AATK: variants seen among roughly 807,000 people sequenced by gnomAD.
AATK encodes the protein lemur tail kinase 1.
In AATK, 91 loss-of-function variants were observed where a neutral mutation model predicts 114.3. The ratio of observed to expected loss-of-function variants is 0.80; its 90% CI spans 0.67 to 0.95. The LOEUF (loss-of-function observed/expected upper bound fraction) is 0.95, where lower values mean the gene tolerates loss of function less well. Ranked by LOEUF, AATK falls within the 40% of genes least tolerant of loss-of-function variation. The pLI, the probability that AATK is intolerant of heterozygous loss-of-function variation, is 0.00. For missense variants in AATK, 2,176 were observed against 1,965.2 expected (o/e 1.11, Z -2.03); for synonymous variants, 1,075 against 916.5 (o/e 1.17, Z -3.12).
chr17:81,120,420 G>C lies in AATK; in HGVS notation c.3516C>G (p.Asp1172Glu), dbSNP rs202227008. ...GGACGCTGTAGCAGCGGAGCTCCTC[G>C]TCAGACTCGTCGCTGTCCTCACTGT... ...EEDSEDSDES[D>E]EELRCYSVQE... Residue 1172 changes from aspartate (D) to glutamate (E), a missense_variant, in exon 11 of 14, where the codon GAC becomes GAG. Physicochemically the swap from Asp to Glu is conservative, Grantham distance 45. This residue lies in a region of AATK where 1,701 missense variants were observed against 1,394.7 expected (regional missense o/e 1.22). Coordinates refer to ENST00000326724, the MANE Select transcript of AATK (RefSeq NM_001080395.3). 4.4e-5 allele frequency: 70 copies of C among 1,585,010 alleles called. No individual in the cohort carries two copies. The highest frequency in any genetic ancestry group is 5.4e-5 in the Non-Finnish European group (63 of 1,163,030).
intron 1 of AATK, among the ~76,000 whole-genome samples, chr17:81,140,708 G>A (rs865961163): frequency 2.3e-5 from 2 of 86,960 alleles, no homozygotes; most frequent in Non-Finnish European, 5.1e-5. Context: ...GCTGTGGGGC[G>A]GTGAGACCGT....
At chr17:81,148,064 CAAAAAAAAAAAAAA>C (rs35731140) in intron 1 of AATK, among the ~76,000 whole-genome samples, 9 of 101,818 alleles carry the variant, frequency 8.8e-5, no homozygotes, top group East Asian at 3.1e-4. Context: ...ACAACTTTGT[CAAAAAAAAAAAAAA>C]AAAAAAAAAA....
At chr17:81,129,169 C>A (rs890829466) in intron 3 of AATK, among the ~76,000 whole-genome samples, 4 of 152,254 alleles carry the variant, frequency 2.6e-5, no homozygotes, top group Admixed American at 2.6e-4. Context: ...TCTGCTCCCA[C>A]GTCAACTGCC....
In AATK at chr17:81,126,403, C is replaced by T; in HGVS notation, c.755+24G>A. ...AGGGGCCTGGCCTAGGGCTTCCCGGCCGCTGGCCCGCGCCCGCCCTCACCT... is the reference window on the plus strand; with the variant it reads ...AGGGGCCTGGCCTAGGGCTTCCCGGTCGCTGGCCCGCGCCCGCCCTCACCT... On this transcript the variant is annotated intron_variant, in intron 7 of 13. Coordinates refer to ENST00000326724, the MANE Select transcript of AATK (RefSeq NM_001080395.3). This position sits in a 1 kb window ranked among gnomAD's most constrained non-coding sequence, Gnocchi z 5.1. 1 of 1,545,266 alleles carries T rather than the reference C, an allele frequency of 6.5e-7. No individual in the cohort carries two copies. Among genetic ancestry groups the T allele is most frequent in the Admixed American group, 1.9e-5 (1 of 52,066 alleles).
chr17:81,163,538 G>T (rs1191058960), intron 1 of AATK, among the ~76,000 whole-genome samples: 1 of 152,254 alleles, frequency 6.6e-6, no homozygotes, highest in Non-Finnish European at 1.5e-5. Flanking sequence ...ACAGAGGCTG[G>T]AAGGCTGCAG....
Position 81,119,256 on chromosome 17 carries a change from A to AGGAGCGGAGC in AATK, c.4084+114_4084+123dup, listed in dbSNP as rs10655340. The AGGAGCGGAGC allele has an allele frequency of 1.8e-3, 1,689 of 948,236 alleles. 18 individuals are homozygous for AGGAGCGGAGC. Among genetic ancestry groups the AGGAGCGGAGC allele is most frequent in the South Asian group, 0.016 (821 of 51,526 alleles). The allele number at this position is 948,236 out of a possible 1,614,324, so 58.7% of individuals were successfully genotyped here. On this transcript the variant is annotated intron_variant, in intron 13 of 13. Transcript: ENST00000326724. ...GGGCCGGGAAGGAGCGGGGCCGGGA[A>AGGAGCGGAGC]GGAGCGGAGCGGAGCGGAGCCGGGG...
intron 1 of AATK, among the ~76,000 whole-genome samples, chr17:81,138,297 G>A (rs1012272603): frequency 2.3e-5 from 3 of 129,458 alleles, no homozygotes; most frequent in Non-Finnish European, 4.9e-5. Flanking sequence ...CCACACATGT[G>A]CACACATATC....
chr17:81,153,434 C>G lies in AATK; in HGVS notation c.55+12504G>C, dbSNP rs531986369. ...AGCCCAACACACTGGGCGGAAAATTCAGATGAGACAGGAACTTCCGTTTAA... is the reference window on the plus strand; with the variant it reads ...AGCCCAACACACTGGGCGGAAAATTGAGATGAGACAGGAACTTCCGTTTAA... On this transcript the variant is annotated intron_variant, in intron 1 of 13. Coordinates refer to ENST00000326724, the MANE Select transcript of AATK (RefSeq NM_001080395.3). 2.0e-5 allele frequency among the ~76,000 whole-genome samples: 3 copies of G among 152,296 alleles called. No individual in the cohort carries two copies. In the South Asian group the frequency reaches 6.2e-4, roughly 32 times the overall value.
At chr17:81,130,430 C>T (rs1248012095) in intron 3 of AATK, among the ~76,000 whole-genome samples, 1 of 152,186 alleles carries the variant, frequency 6.6e-6, no homozygotes, top group African/African-American at 2.4e-5. Flanking sequence ...CGGCCTAGGA[C>T]CCTAGGATGG....
intron 1 of AATK, among the ~76,000 whole-genome samples, chr17:81,151,110 T>C (rs915463657): frequency 1.3e-5 from 2 of 152,116 alleles, no homozygotes; most frequent in African/African-American, 4.8e-5. Flanking sequence ...CAGACAGAAC[T>C]TTGTGGGCTG....
chr17:81,127,531 G>A, intron 6 of AATK, 52 bp downstream of exon 6: 3 of 1,532,080 alleles, frequency 2.0e-6, no homozygotes, highest in Non-Finnish European at 2.7e-6. Flanking sequence ...GCAGGGCAAG[G>A]GAGGGCCCCG....
chr17:81,120,522 G>A lies in AATK; in HGVS notation c.3414C>T (p.Thr1138=). 2 of 1,485,390 alleles carry A rather than the reference G, an allele frequency of 1.3e-6. No individual in the cohort carries two copies. Among genetic ancestry groups the A allele is most frequent in the South Asian group, 1.4e-5 (1 of 73,396 alleles). The allele number at this position is 1,485,390 out of a possible 1,614,324, so 92.0% of individuals were successfully genotyped here. A position where few individuals can be genotyped will look rare whatever the true frequency, so the allele number is the denominator to read the frequency against. ...GAGCCAGGCGGAGTGGGGCTCTGGG[G>A]GTGCCTGGGCCCCCCATCCGCTTTT... is the stretch of plus-strand genomic sequence containing the variant. ...APQKRMGGPG[T]PRAPLRLALP... Residue 1138 remains threonine (T), a synonymous_variant, in exon 11 of 14, where the codon ACC becomes ACT. Transcript: ENST00000326724.
Position 81,120,429 on chromosome 17 carries a change from G to A in AATK, c.3507C>T (p.Asp1169=), listed in dbSNP as rs372164584. The A allele has an allele frequency of 3.3e-4, 520 of 1,579,442 alleles. 7 individuals carry two copies. The South Asian group carries it at 5.3e-3, about 16-fold the overall frequency. The part of the protein sequence containing the change: ...EEEEEDSEDS[D]ESDEELRCYS... The stretch of plus-strand genomic sequence containing the variant: ...AGCAGCGGAGCTCCTCGTCAGACTC[G>A]TCGCTGTCCTCACTGTCCTCCTCCT... The change falls in exon 11 of 14, where the codon GAC becomes GAT. Residue 1169 remains aspartate, a synonymous_variant. Transcript: ENST00000326724.
Position 81,118,231 on chromosome 17 carries a change from AGGGCCTCTCATCCCAC to A in AATK, c.*155_*170del. ...GCGGAGCATGGCCGATCTACCATCC[AGGGCCTCTCATCCCAC>A]GGGCTTCTCCAGGACACCGCGTGGG... On this transcript the variant is annotated 3_prime_UTR_variant, in exon 14 of 14. Coordinates refer to ENST00000326724, the MANE Select transcript of AATK (RefSeq NM_001080395.3). 1.6e-6 allele frequency: 1 copy of A among 639,902 alleles called. No homozygotes were observed. The highest frequency in any genetic ancestry group is 2.8e-5 in the East Asian group (1 of 35,804). 39.6% of individuals were successfully genotyped at this position (639,902 alleles called of 1,614,324 possible). A position where few individuals can be genotyped will look rare whatever the true frequency, so the allele number is the denominator to read the frequency against.
At chr17:81,136,711 C>T (rs2061015767) in intron 1 of AATK, among the ~76,000 whole-genome samples, 2 of 152,212 alleles carry the variant, frequency 1.3e-5, no homozygotes, top group South Asian at 4.1e-4. Context: ...TGGGCAGGGG[C>T]ACCAGGCAGG....
chr17:81,165,799 G>C (rs2061481809), intron 1 of AATK, 139 bp downstream of exon 1: 1 of 1,499,772 alleles, frequency 6.7e-7, no homozygotes, highest in Admixed American at 2.1e-5. Flanking sequence ...GCCGCCAGGG[G>C]GTCCGGCTGC....
intron 1 of AATK, among the ~76,000 whole-genome samples, chr17:81,145,234 C>CAAAAAAAA (rs761538299): frequency 1.7e-5 from 2 of 121,128 alleles, no homozygotes; most frequent in African/African-American, 5.9e-5. Context: ...GAGACTCCAT[C>CAAAAAAAA]AAAAAAAAAA....
At chr17:81,133,685 AG>A (rs2060969674) in intron 2 of AATK, among the ~76,000 whole-genome samples, 1 of 151,936 alleles carries the variant, frequency 6.6e-6, no homozygotes, top group South Asian at 2.1e-4. Context: ...CCTGCTGCTC[AG>A]AGTTACAGCT....
At chr17:81,119,238 GAAGGAGCGGGGCCGGGAAGGA>G (rs1443435161) in intron 13 of AATK, 121 bp downstream of exon 13, 12 of 216,548 alleles carry the variant, frequency 5.5e-5, no homozygotes, top group African/African-American at 3.8e-4. Flanking sequence ...CTGGGGCCGG[GAAGGAGCGGGGCCGGGAAGGA>G]GCGGAGCGGA....
Sources: allele counts gnomAD v4.1 joint callset (sites outside exome capture counted in the v4.1 genomes callset), GRCh38; gene constraint gnomAD v4.1.1; regional missense constraint gnomAD v4.1.1; non-coding constraint Gnocchi (gnomAD v3.1); transcripts MANE v1.5; gene names NCBI Gene and HGNC (gene_info 2026-07-23, HGNC 2026-07-21).